Variants in KCNH1 observed in about 807,000 individuals in gnomAD.
KCNH1 encodes voltage-gated delayed rectifier potassium channel KCNH1.
A neutral mutation model predicts 69.2 loss-of-function variants in KCNH1; 27 were observed. The observed-to-expected ratio is 0.39, with a 90% CI of 0.29 to 0.54. The LOEUF is 0.54. Among genes scored for constraint, KCNH1 ranks in the 20% least tolerant of loss-of-function variants. The pLI, the probability that KCNH1 is intolerant of heterozygous loss-of-function variation, is 0.68. For synonymous variants in KCNH1, 456 were observed against 487.7 expected (o/e 0.93, Z 0.86); for missense variants, 798 against 1,261.6 (o/e 0.63, Z 5.57).
At chr1:211,113,098 A>C (rs1216912574) in intron 1 of KCNH1, among the ~76,000 whole-genome samples, 1 of 152,104 alleles carries the variant, frequency 6.6e-6, no homozygotes, top group East Asian at 1.9e-4. Flanking sequence ...GGTTTTTTTC[A>C]ACCTTTACAT....
Position 210,683,261 on chromosome 1 carries a change from T to A in KCNH1, c.*20A>T, listed in dbSNP as rs1681315689. 3 of 1,549,784 alleles carry A rather than the reference T, an allele frequency of 1.9e-6. No homozygotes were observed. Among genetic ancestry groups the A allele is most frequent in the East Asian group, 4.6e-5 (2 of 43,038 alleles). ...AGGGTTGGAGGTATCTGTCTCTGACTTTTTTTTTAAATAGACCTCTCAGCT... is the reference window on the plus strand; with the variant it reads ...AGGGTTGGAGGTATCTGTCTCTGACATTTTTTTTAAATAGACCTCTCAGCT... On this transcript the variant is annotated 3_prime_UTR_variant, in exon 11 of 11. Transcript: ENST00000271751. The surrounding 1 kb of genome is among the most constrained non-coding windows in gnomAD (Gnocchi z 5.7).
chr1:210,824,694 G>A (rs1323282875), intron 7 of KCNH1, among the ~76,000 whole-genome samples: 2 of 152,162 alleles, frequency 1.3e-5, no homozygotes, highest in Non-Finnish European at 2.9e-5. Flanking sequence ...CAGGTAACTA[G>A]GGATAGTCTT....
At position 210,881,596 on chromosome 1, in the gene KCNH1, T is replaced by C. The variant is rs61848970; in HGVS notation, c.1462+38044A>G. Among the ~76,000 whole-genome samples the C allele has an allele frequency of 7.1e-3, 1,074 of 152,306 alleles. 6 individuals carry two copies. The highest frequency in any genetic ancestry group is 0.012 in the Non-Finnish European group (786 of 68,014). On this transcript the variant is annotated intron_variant, in intron 7 of 10. Coordinates refer to ENST00000271751, the MANE Select transcript of KCNH1 (RefSeq NM_172362.3). ...AAAACCTGCACATAGATATTTACAG[T>C]AGCTTTATTCATAATTGCCAAAACT... is the stretch of plus-strand genomic sequence containing the variant.
chr1:210,774,478 C>A (rs1311394072), intron 10 of KCNH1, among the ~76,000 whole-genome samples: 2 of 152,098 alleles, frequency 1.3e-5, no homozygotes, highest in African/African-American at 4.8e-5. Context: ...GGGTTTCTAA[C>A]TTGGAACCCC....
At chr1:210,834,741 G>C (rs1347165472) in intron 7 of KCNH1, among the ~76,000 whole-genome samples, 3 of 151,654 alleles carry the variant, frequency 2.0e-5, no homozygotes, top group African/African-American at 7.3e-5. Flanking sequence ...GTATTAAGAG[G>C]TAGGGCCTTT....
At chr1:210,881,256 G>A (rs1686488711) in intron 7 of KCNH1, among the ~76,000 whole-genome samples, 1 of 152,078 alleles carries the variant, frequency 6.6e-6, no homozygotes, top group Non-Finnish European at 1.5e-5. Context: ...GCCCACCTTG[G>A]CTTCCCAAAG....
intron 3 of KCNH1, among the ~76,000 whole-genome samples, chr1:211,101,110 C>G (rs1454324291): frequency 6.6e-6 from 1 of 152,114 alleles, no homozygotes; most frequent in Non-Finnish European, 1.5e-5. Flanking sequence ...TTCCCTGACC[C>G]CCTAGGTTGG....
At position 210,897,825 on chromosome 1, in the gene KCNH1, C is replaced by T. The variant is rs1686903668; in HGVS notation, c.1462+21815G>A. Among the ~76,000 whole-genome samples, 3 of 152,122 alleles carry T rather than the reference C, an allele frequency of 2.0e-5. 1 individual carries two copies. The South Asian group carries it at 6.2e-4, about 32-fold the overall frequency. On this transcript the variant is annotated intron_variant, in intron 7 of 10. Transcript: ENST00000271751. ...TGGGGCACTTTTAAAGGGTATGGTACAGAGGAAGCTGAGAGGCAGAAGCAG... is the reference window on the plus strand; with the variant it reads ...TGGGGCACTTTTAAAGGGTATGGTATAGAGGAAGCTGAGAGGCAGAAGCAG...
intron 10 of KCNH1, among the ~76,000 whole-genome samples, chr1:210,722,798 C>G (rs978536292): frequency 2.6e-5 from 4 of 152,140 alleles, no homozygotes; most frequent in African/African-American, 9.7e-5. Flanking sequence ...ATACAGCAAT[C>G]TAAAGTCTAA....
At chr1:210,849,609 G>T (rs570583358) in intron 7 of KCNH1, among the ~76,000 whole-genome samples, 1 of 151,752 alleles carries the variant, frequency 6.6e-6, no homozygotes, top group Non-Finnish European at 1.5e-5. Context: ...CAGGTGATCC[G>T]CCCACCTCAG....
chr1:210,977,459 G>A (rs188404112), intron 6 of KCNH1, among the ~76,000 whole-genome samples: 13 of 150,670 alleles, frequency 8.6e-5, no homozygotes, highest in African/African-American at 9.7e-5. Flanking sequence ...AAAAAAAACC[G>A]TACACCTTTT....
intron 7 of KCNH1, among the ~76,000 whole-genome samples, chr1:210,896,689 C>T (rs191105323): frequency 9.2e-4 from 140 of 151,918 alleles, no homozygotes; most frequent in African/African-American, 3.2e-3. Context: ...AGCAACTCAG[C>T]GGAAAGTTTA....
intron 7 of KCNH1, among the ~76,000 whole-genome samples, chr1:210,883,691 G>T (rs1416326979): frequency 6.6e-6 from 1 of 152,210 alleles, no homozygotes; most frequent in Non-Finnish European, 1.5e-5. Context: ...CATGCAAAAG[G>T]CTTTGTAATG....
Position 210,818,795 on chromosome 1 carries a change from C to T in KCNH1, c.1463-14629G>A, listed in dbSNP as rs970920176. Among the ~76,000 whole-genome samples, 9 of 152,284 alleles carry T rather than the reference C, an allele frequency of 5.9e-5. No homozygotes were observed. In the East Asian group the frequency reaches 1.3e-3, roughly 23 times the overall value. ...CCACATGGGCCCTATCTACCTGGAA[C>T]GACAATGACTATTGTTCTCAACTAG... is the stretch of plus-strand genomic sequence containing the variant. On this transcript the variant is annotated intron_variant, in intron 7 of 10. Coordinates refer to ENST00000271751, the MANE Select transcript of KCNH1 (RefSeq NM_172362.3).
At chr1:210,787,947 T>C (rs776841116) in intron 9 of KCNH1, among the ~76,000 whole-genome samples, 11 of 152,186 alleles carry the variant, frequency 7.2e-5, no homozygotes, top group Non-Finnish European at 1.5e-4. Flanking sequence ...GACTCAGCCA[T>C]AAATGGTTAA....
chr1:210,749,281 CAT>C (rs1683230720), intron 10 of KCNH1, among the ~76,000 whole-genome samples: 2 of 152,114 alleles, frequency 1.3e-5, no homozygotes, highest in Admixed American at 6.6e-5. Flanking sequence ...GAGGCAGAAA[CAT>C]ATAGAACTCC....
chr1:210,770,273 G>A (rs1683729138), intron 10 of KCNH1, among the ~76,000 whole-genome samples: 1 of 152,164 alleles, frequency 6.6e-6, no homozygotes. Context: ...TTAAAACCTA[G>A]ATGATGGGTT....
intron 6 of KCNH1, among the ~76,000 whole-genome samples, chr1:210,982,954 T>A (rs910246679): frequency 2.0e-5 from 3 of 152,214 alleles, no homozygotes. Flanking sequence ...TTTTTAATGA[T>A]CGCCATTCTA....
At chr1:210,698,894 G>A (rs145220666) in intron 10 of KCNH1, among the ~76,000 whole-genome samples, 465 of 152,308 alleles carry the variant, frequency 3.1e-3, no homozygotes, top group African/African-American at 0.011. Flanking sequence ...CAGAGGCCAC[G>A]GGCAGCTGCC....
Sources: gnomAD v4.1 joint callset for allele counts (sites outside exome capture counted in the v4.1 genomes callset) on GRCh38, gnomAD v4.1.1 for gene constraint, Gnocchi (gnomAD v3.1) non-coding constraint, MANE v1.5 for transcripts, NCBI Gene and HGNC (gene_info 2026-07-23, HGNC 2026-07-21) for gene names.